The following PRDM1 variants were observed in gnomAD, a reference collection of about 807,000 sequenced individuals.
The protein encoded by PRDM1 is PR domain zinc finger protein 1.
PRDM1 carries 13 observed loss-of-function variants against 62.8 expected under a neutral mutation model. The ratio of observed to expected loss-of-function variants is 0.21; its 90% CI spans 0.13 to 0.33. PRDM1 has a LOEUF of 0.33. Among genes scored for constraint, PRDM1 ranks in the 10% least tolerant of loss-of-function variants. The pLI, the probability that PRDM1 is intolerant of heterozygous loss-of-function variation, is 1.00. For synonymous variants in PRDM1, 396 were observed against 417.6 expected (o/e 0.95, Z 0.63); for missense variants, 895 against 1,058.8 (o/e 0.85, Z 2.15).
At chr6:106,095,787 T>G (rs775603233) in intron 3 of PRDM1, 53 bp downstream of exon 3, 9 of 1,595,246 alleles carry the variant, frequency 5.6e-6, no homozygotes, top group Non-Finnish European at 7.7e-6. Flanking sequence ...AAAATGGAGC[T>G]AAAAGAGCTG....
intron 2 of PRDM1, among the ~76,000 whole-genome samples, chr6:106,090,233 A>C (rs758535487): frequency 6.6e-6 from 1 of 152,056 alleles, no homozygotes; most frequent in African/African-American, 2.4e-5. Context: ...TTTCAGACCA[A>C]TCCTTAAGCT....
chr6:106,053,067 G>A (rs1384050470), intron 1 of PRDM1, among the ~76,000 whole-genome samples: 1 of 151,990 alleles, frequency 6.6e-6, no homozygotes, highest in Non-Finnish European at 1.5e-5. Flanking sequence ...CTAATTTTTG[G>A]AGTAGAATTT....
Position 106,105,357 on chromosome 6 carries a change from G to A in PRDM1, c.1197G>A (p.Pro399=), listed in dbSNP as rs372762124. The change falls in exon 5 of 7, where the codon CCG becomes CCA. Residue 399 remains proline (P), a synonymous_variant. Coordinates refer to ENST00000369096, the MANE Select transcript of PRDM1 (RefSeq NM_001198.4). ...GCTACGCACCCCTGCCCCACCTCCC[G>A]CCAGCTTTCATCCCCTCGTACAACG... ...YPGYAPLPHL[P]PAFIPSYNAH... 35 of 1,613,486 alleles carry A rather than the reference G, an allele frequency of 2.2e-5. No individual in the cohort carries two copies. Among genetic ancestry groups the A allele is most frequent in the Middle Eastern group, 1.7e-4 (1 of 6,058 alleles).
intron 3 of PRDM1, chr6:106,098,935 G>C (rs753353116): frequency 8.1e-5 from 124 of 1,522,946 alleles, no homozygotes; most frequent in Non-Finnish European, 1.1e-4. Context: ...AATCGGAACT[G>C]AAGTCAGTAG....
intron 1 of PRDM1, among the ~76,000 whole-genome samples, chr6:106,038,223 G>A (rs920348186): frequency 7.2e-5 from 11 of 151,746 alleles, no homozygotes; most frequent in Admixed American, 5.3e-4. Context: ...GACCTCAGGT[G>A]ATCTGCCTGC....
At chr6:106,019,546 G>C (rs1364621585) in intron 1 of PRDM1, among the ~76,000 whole-genome samples, 2 of 151,480 alleles carry the variant, frequency 1.3e-5, no homozygotes, top group Non-Finnish European at 2.9e-5. Context: ...TGGAGAAGTA[G>C]ATGTGAATAT....
intron 1 of PRDM1, among the ~76,000 whole-genome samples, chr6:105,999,507 G>A (rs1772402661): frequency 6.6e-6 from 1 of 152,076 alleles, no homozygotes; most frequent in East Asian, 1.9e-4. Context: ...CACTCCTCCT[G>A]TGGACTTTGA....
chr6:106,030,396 C>CTCCTGGCCTCAAGCAA (rs1157842950), intron 1 of PRDM1, among the ~76,000 whole-genome samples: 3 of 152,228 alleles, frequency 2.0e-5, no homozygotes, highest in East Asian at 3.9e-4. Context: ...TGGTCTCAAA[C>CTCCTGGCCTCAAGCAA]TCCTGGCCTC....
chr6:106,051,862 A>G (rs1028545645), intron 1 of PRDM1, among the ~76,000 whole-genome samples: 5 of 152,194 alleles, frequency 3.3e-5, no homozygotes, highest in African/African-American at 1.2e-4. Flanking sequence ...TAATTTTTCC[A>G]TGTGTAAATT....
rs78927726 is a variant in PRDM1 at position 106,108,909 on chromosome 6, A to G, written c.*1423A>G. The G allele has an allele frequency of 7.4e-3, 1,715 of 230,440 alleles. 58 individuals carry two copies. The highest frequency in any genetic ancestry group is 0.056 in the East Asian group (911 of 16,258). The allele number at this position is 230,440 out of a possible 1,614,324, so 14.3% of individuals were successfully genotyped here. A position where few individuals can be genotyped will look rare whatever the true frequency, so the allele number is the denominator to read the frequency against. On this transcript the variant is annotated 3_prime_UTR_variant, in exon 7 of 7. Transcript: ENST00000369096. ...CCGAGTAAATGTGCTCCAGCAAGAT[A>G]GACTTTGTGTTATTCTATCTTTTAT...
chr6:106,087,636 CAGTTGTTTTGAA>C (rs1773843123), intron 1 of PRDM1: 2 of 232,782 alleles, frequency 8.6e-6, no homozygotes, highest in African/African-American at 4.4e-5. Flanking sequence ...AGGGAGGAGG[CAGTTGTTTTGAA>C]AGTTGTTTTG....
intron 1 of PRDM1, among the ~76,000 whole-genome samples, chr6:106,027,212 C>A (rs1468151848): frequency 6.6e-6 from 1 of 152,220 alleles, no homozygotes; most frequent in Non-Finnish European, 1.5e-5. Flanking sequence ...ACATTAATCG[C>A]TGCACTTGTG....
Position 106,086,599 on chromosome 6 carries a change from A to C in PRDM1, c.42+4A>C, listed in dbSNP as rs1317747961. ...AAAACGTGTGGGTACGACCTTGGTA[A>C]GGAACTTGAATTTTTTTTTTTTAAT... is the stretch of plus-strand genomic sequence containing the variant. On this transcript the variant is annotated splice_donor_region_variant and intron_variant, in intron 1 of 6. Transcript: ENST00000369096. The C allele has an allele frequency of 6.5e-7, 1 of 1,550,098 alleles. No homozygotes were observed. Among genetic ancestry groups the C allele is most frequent in the African/African-American group, 1.4e-5 (1 of 72,962 alleles).
intron 1 of PRDM1, chr6:106,087,771 G>A: frequency 8.5e-6 from 2 of 234,066 alleles, no homozygotes; most frequent in East Asian, 6.0e-5. Context: ...GGCAGACAGA[G>A]CTCCTTCCTC....
At chr6:106,054,113 G>A (rs1040204781) in intron 1 of PRDM1, among the ~76,000 whole-genome samples, 4 of 151,946 alleles carry the variant, frequency 2.6e-5, no homozygotes, top group Non-Finnish European at 5.9e-5. Context: ...TTAAGGGGTT[G>A]ACCAAAGACT....
intron 1 of PRDM1, among the ~76,000 whole-genome samples, chr6:106,075,955 A>AT (rs529520354): frequency 6.5e-4 from 95 of 146,208 alleles, no homozygotes; most frequent in Admixed American, 6.8e-4. Context: ...AAAAAAAAAA[A>AT]TTTTTTTTTT....
rs779670956 is a variant in PRDM1, at chr6:106,104,936, A to T, written c.776A>T (p.Asn259Ile). Reference sequence around the variant, plus strand: ...AAAGAAATCCTAAAATTGGACTCCAACCCCTCCAAAGGAAAGGACCTCTAC... The same window carrying T: ...AAAGAAATCCTAAAATTGGACTCCATCCCCTCCAAAGGAAAGGACCTCTAC... Reference protein sequence around the residue: ...SVKEILKLDSNPSKGKDLYRS... With the variant: ...SVKEILKLDSIPSKGKDLYRS... Residue 259 changes from asparagine (N) to isoleucine (I), a missense_variant, in exon 5 of 7, where the codon AAC becomes ATC. This residue lies in a region of PRDM1 where 444 missense variants were observed against 422.7 expected (regional missense o/e 1.05). Coordinates refer to ENST00000369096, the MANE Select transcript of PRDM1 (RefSeq NM_001198.4). 3 of 1,613,710 alleles carry T rather than the reference A, an allele frequency of 1.9e-6. No individual in the cohort carries two copies. The South Asian group carries it at 3.3e-5, about 18-fold the overall frequency.
At chr6:106,036,906 T>C (rs971276910) in intron 1 of PRDM1, among the ~76,000 whole-genome samples, 5 of 152,268 alleles carry the variant, frequency 3.3e-5, no homozygotes, top group East Asian at 1.9e-4. Flanking sequence ...CTCAAACTCC[T>C]GGACTCAAGT....
intron 1 of PRDM1, among the ~76,000 whole-genome samples, chr6:105,999,175 G>T (rs1250759131): frequency 6.6e-6 from 1 of 151,714 alleles, no homozygotes; most frequent in South Asian, 2.1e-4. Context: ...CTGGGCTCAA[G>T]TGATCCTTTT....
Sources: gnomAD v4.1 joint callset for allele counts (sites outside exome capture counted in the v4.1 genomes callset) on GRCh38, gnomAD v4.1.1 for gene constraint, gnomAD v4.1.1 regional missense constraint, MANE v1.5 for transcripts, NCBI Gene and HGNC (gene_info 2026-07-23, HGNC 2026-07-21) for gene names.